The following GCN1 variants were observed in gnomAD, a reference collection of about 807,000 sequenced individuals.
GCN1 encodes the protein GCN1 activator of EIF2AK4.
A neutral mutation model predicts 288.4 loss-of-function variants in GCN1; 90 were observed. The observed-to-expected ratio is 0.31, with a 90% CI of 0.26 to 0.37. The LOEUF is 0.37. GCN1 is among the 10% of genes least tolerant of loss of function. GCN1 has a pLI of 1.00. For missense variants in GCN1, 2,586 were observed against 3,419.9 expected, an observed-to-expected ratio of 0.76 and a Z score of 6.08; for synonymous variants, 1,386 against 1,420.2, an observed-to-expected ratio of 0.98 and a Z score of 0.54.
At chr12:120,176,457 C>T (rs1236886121) in intron 9 of GCN1, among the ~76,000 whole-genome samples, 3 of 152,202 alleles carry the variant, frequency 2.0e-5, no homozygotes, top group African/African-American at 7.2e-5. Context: ...GGGACAGAGA[C>T]TCAACCCTCA....
rs771223028 is a variant in GCN1 at position 120,134,401 on chromosome 12, T to C, written c.7207A>G (p.Thr2403Ala). ...RAMEDPGVRD[T>A]MLQALRFVIQ... ...ACAAACCTCAGGGCCTGCAGCATGG[T>C]GTCCCTGCAGAAGCAATGCACCGCC... Residue 2403 changes from threonine to alanine, a missense_variant, in exon 53 of 58, where the codon ACC becomes GCC. This residue lies in a region of GCN1 where 355 missense variants were observed against 431.1 expected (regional missense o/e 0.82). Coordinates refer to ENST00000300648, the MANE Select transcript of GCN1 (RefSeq NM_006836.2). The surrounding 1 kb of genome is among the most constrained non-coding windows in gnomAD (Gnocchi z 5.0). 2.0e-5 allele frequency: 32 copies of C among 1,612,062 alleles called. No homozygotes were observed. The highest frequency in any genetic ancestry group is 2.6e-5 in the Non-Finnish European group (31 of 1,178,322).
intron 16 of GCN1, among the ~76,000 whole-genome samples, chr12:120,166,400 T>TGA (rs1407392851): frequency 1.3e-5 from 1 of 77,472 alleles, no homozygotes; most frequent in African/African-American, 6.1e-5. Flanking sequence ...TGAGACTGTC[T>TGA]CAAAAAAAAA....
intron 55 of GCN1, 137 bp downstream of exon 55, chr12:120,131,048 C>A: frequency 2.6e-6 from 2 of 755,426 alleles, no homozygotes; most frequent in Non-Finnish European, 4.5e-6. Flanking sequence ...GGTCCAAGGG[C>A]ACAGCAAGTT....
In GCN1 at chr12:120,175,198, G is replaced by A. The variant is rs768344440; in HGVS notation, c.1057C>T (p.Leu353=). ...FAILGGSEGK[L]TVVAQKMSVL... is the part of the protein sequence containing the mutation. ...CTCATCTTCTGGGCTACAACAGTTA[G>A]TTTTCCTTCCGAGCCTGAGAAGAGA... Residue 353 remains leucine (L), a synonymous_variant, in exon 12 of 58, where the codon CTA becomes TTA. Coordinates refer to ENST00000300648, the MANE Select transcript of GCN1 (RefSeq NM_006836.2). The A allele has an allele frequency of 6.3e-6, 10 of 1,581,734 alleles. No homozygotes were observed. Among genetic ancestry groups the A allele is most frequent in the Admixed American group, 1.7e-5 (1 of 59,020 alleles).
In GCN1 at chr12:120,134,818, C is replaced by T. The variant is rs567980120; in HGVS notation, c.7009-92G>A. 3.7e-6 allele frequency: 4 copies of T among 1,077,570 alleles called. No individual in the cohort carries two copies. In the Admixed American group the frequency reaches 7.5e-5, roughly 20 times the overall value. The allele number at this position is 1,077,570 out of a possible 1,614,324, so 66.8% of individuals were successfully genotyped here. ...CATGAGAACAAATGACAATCCCAAA[C>T]CACCACAGCGAGTCCAGCTCTCATA... On this transcript the variant is annotated intron_variant, in intron 51 of 57. Coordinates refer to ENST00000300648, the MANE Select transcript of GCN1 (RefSeq NM_006836.2). This position sits in a 1 kb window ranked among gnomAD's most constrained non-coding sequence, Gnocchi z 5.0.
At chr12:120,135,456 C>T (rs1207978844) in intron 51 of GCN1, among the ~76,000 whole-genome samples, 6 of 151,918 alleles carry the variant, frequency 3.9e-5, no homozygotes, top group African/African-American at 9.7e-5. Flanking sequence ...CTCCGCCTCC[C>T]GGGTTTAAGC....
At chr12:120,128,102 A>C in intron 57 of GCN1, 128 bp from the exon 58 acceptor site, 1 of 890,798 alleles carries the variant, frequency 1.1e-6, no homozygotes, top group Non-Finnish European at 1.8e-6. Flanking sequence ...CTGGCAAAAT[A>C]AGGGAATCAG....
rs1392522973 is a variant in GCN1 at position 120,144,395 on chromosome 12, C to A, written c.5406G>T (p.Gln1802His). ...TCTCAGCGTACATGGAGATAACCCG[C>A]TGGCCCGCGCGCAGGGCGGTGTCAC... ...FVRDTALRAG[Q>H]RVISMYAETA... The change falls in exon 42 of 58, where the codon CAG (glutamine) becomes CAT (histidine). Residue 1802 changes from glutamine (Q) to histidine (H), a missense_variant. Physicochemically the swap from Gln to His is conservative, Grantham distance 24 (BLOSUM62 0). Around this residue, in one of 8 missense-constraint regions of GCN1, gnomAD observed 371 missense variants for 572.6 expected, o/e 0.65. Coordinates refer to ENST00000300648, the MANE Select transcript of GCN1 (RefSeq NM_006836.2). This position sits in a 1 kb window ranked among gnomAD's most constrained non-coding sequence, Gnocchi z 4.7. The A allele has an allele frequency of 5.0e-6, 8 of 1,614,114 alleles. No homozygotes were observed. In the Admixed American group the frequency reaches 1.3e-4, roughly 27 times the overall value.
intron 5 of GCN1, among the ~76,000 whole-genome samples, chr12:120,179,712 A>G (rs1022468750): frequency 4.0e-5 from 6 of 151,134 alleles, no homozygotes; most frequent in Non-Finnish European, 5.9e-5. Flanking sequence ...CCCTGCTTTC[A>G]TGTACCTTAG....
At position 120,137,521 on chromosome 12, in the gene GCN1, C is replaced by G. The variant is rs1413019241; in HGVS notation, c.6663+24G>C. 6.2e-7 allele frequency: 1 copy of G among 1,606,338 alleles called. No homozygotes were observed. The highest frequency in any genetic ancestry group is 8.5e-7 in the Non-Finnish European group (1 of 1,173,964). ...GGAATTTTCTAAAAGCAAAAGTTGG[C>G]TGTGGGGTCAGCAGTCCCCTCACCT... is the stretch of plus-strand genomic sequence containing the variant. On this transcript the variant is annotated intron_variant, in intron 49 of 57. Transcript: ENST00000300648. The surrounding 1 kb of genome is among the most constrained non-coding windows in gnomAD (Gnocchi z 5.2).
chr12:120,166,474 G>A (rs1205597432), intron 16 of GCN1, among the ~76,000 whole-genome samples: 1 of 151,134 alleles, frequency 6.6e-6, no homozygotes, highest in Non-Finnish European at 1.5e-5. Flanking sequence ...GGAGGCCAAG[G>A]TGGGCGGATC....
chr12:120,184,088 G>A, intron 4 of GCN1, 24 bp downstream of exon 4: 1 of 1,602,352 alleles, frequency 6.2e-7, no homozygotes, highest in Non-Finnish European at 8.5e-7. Flanking sequence ...CAATTCTCAG[G>A]GGGCCACAAC....
At chr12:120,186,995 G>A (rs1878840346) in intron 2 of GCN1, among the ~76,000 whole-genome samples, 2 of 152,150 alleles carry the variant, frequency 1.3e-5, no homozygotes, top group Non-Finnish European at 1.5e-5. Context: ...CTGGGAAAGT[G>A]ACCAGAAAAA....
rs1878963956 is a variant in GCN1, at chr12:120,190,282, G to GA, written c.121+15dup. 1.6e-6 allele frequency: 2 copies of GA among 1,250,102 alleles called. No homozygotes were observed. Among genetic ancestry groups the GA allele is most frequent in the Non-Finnish European group, 2.4e-6 (2 of 847,872 alleles). The allele number at this position is 1,250,102 out of a possible 1,614,324, so 77.4% of individuals were successfully genotyped here. ...CAATGAATATTGTCCAGGGTATGTGGATGAAAAATAAATACCTTTTCCAGC... is the reference window on the plus strand; with the variant it reads ...CAATGAATATTGTCCAGGGTATGTGGAATGAAAAATAAATACCTTTTCCAGC... On this transcript the variant is annotated intron_variant, in intron 2 of 57. Coordinates refer to ENST00000300648, the MANE Select transcript of GCN1 (RefSeq NM_006836.2).
At position 120,161,872 on chromosome 12, in the gene GCN1, G is replaced by A; in HGVS notation, c.2342+8C>T. 1 of 1,613,490 alleles carries A rather than the reference G, an allele frequency of 6.2e-7. No homozygotes were observed. The highest frequency in any genetic ancestry group is 8.5e-7 in the Non-Finnish European group (1 of 1,179,582). ...CAAAGGAAACTGAGCCCATAAGTGA[G>A]GTCTCACCTCTGAATGATGGATTTG... On this transcript the variant is annotated splice_region_variant and intron_variant, in intron 21 of 57. Transcript: ENST00000300648.
chr12:120,129,528 G>C, intron 56 of GCN1, 34 bp from the exon 57 acceptor site: 7 of 1,493,740 alleles, frequency 4.7e-6, no homozygotes, highest in Non-Finnish European at 6.5e-6. Flanking sequence ...CTTTTGGATA[G>C]GCATGTCATC....
chr12:120,145,021 T>C lies in GCN1; in HGVS notation c.5057A>G (p.Lys1686Arg). The change falls in exon 40 of 58, where the codon AAG becomes AGG. Residue 1686 changes from lysine to arginine, a missense_variant. Transcript: ENST00000300648. ...CTCAAAGCACGACTCCCCCATGCCC[T>C]TCACCATGGCCCCAAGGGCCTTTGC... ...VSAKALGAMV[K>R]GMGESCFEDL... 6.2e-7 allele frequency: 1 copy of C among 1,614,018 alleles called. No individual in the cohort carries two copies. Among genetic ancestry groups the C allele is most frequent in the Non-Finnish European group, 8.5e-7 (1 of 1,179,998 alleles).
At chr12:120,128,924 C>G (rs1876713572) in intron 57 of GCN1, among the ~76,000 whole-genome samples, 1 of 146,728 alleles carries the variant, frequency 6.8e-6, no homozygotes, top group Non-Finnish European at 1.5e-5. Context: ...TCACTGCAAC[C>G]TCCGTCTCCT....
chr12:120,157,223 A>G, intron 26 of GCN1: 1 of 482,158 alleles, frequency 2.1e-6, no homozygotes, highest in Non-Finnish European at 3.7e-6. Flanking sequence ...AATTCACACT[A>G]TGAAATCCAG....
Sources: gnomAD v4.1 joint callset for allele counts (sites outside exome capture counted in the v4.1 genomes callset) on GRCh38, gnomAD v4.1.1 for gene constraint, gnomAD v4.1.1 regional missense constraint, Gnocchi (gnomAD v3.1) non-coding constraint, MANE v1.5 for transcripts, NCBI Gene and HGNC (gene_info 2026-07-23, HGNC 2026-07-21) for gene names.